SLC26A9: variants seen among roughly 807,000 people sequenced by gnomAD.
SLC26A9 encodes the protein solute carrier family 26 member 9, also known as anion transporter/exchanger protein 9.
SLC26A9 carries 46 observed loss-of-function variants against 87.1 expected under a neutral mutation model. The ratio of observed to expected loss-of-function variants is 0.53; its 90% CI spans 0.42 to 0.67. The LOEUF is 0.67. SLC26A9 is among the 30% of genes least tolerant of loss of function. The probability of loss-of-function intolerance (pLI) is 0.00; values close to 1 mark genes in which losing one functional copy is unlikely to be tolerated. For synonymous variants in SLC26A9, 437 were observed against 409.1 expected (o/e 1.07, Z -0.82); for missense variants, 927 against 1,018.3 (o/e 0.91, Z 1.22).
At chr1:205,927,784 C>A in intron 9 of SLC26A9, 118 bp downstream of exon 9, 3 of 1,517,526 alleles carry the variant, frequency 2.0e-6, no homozygotes, top group Non-Finnish European at 1.8e-6. Flanking sequence ...ACCCCCTATC[C>A]CCCACACTCG....
At chr1:205,915,844 G>A (rs746898168) in intron 20 of SLC26A9, among the ~76,000 whole-genome samples, 4 of 152,128 alleles carry the variant, frequency 2.6e-5, no homozygotes, top group African/African-American at 4.8e-5. Context: ...CCAAATCTCT[G>A]TGGCTCCAGC....
At chr1:205,942,405 C>T (rs150036358) in intron 1 of SLC26A9, among the ~76,000 whole-genome samples, 2 of 152,316 alleles carry the variant, frequency 1.3e-5, no homozygotes, top group Non-Finnish European at 2.9e-5. Flanking sequence ...AGTGAAGCCA[C>T]TCAGGGGGAA....
At chr1:205,926,723 G>A (rs1428034813) in intron 11 of SLC26A9, 93 bp from the exon 12 acceptor site, 5 of 1,022,146 alleles carry the variant, frequency 4.9e-6, no homozygotes, top group Non-Finnish European at 7.6e-6. Flanking sequence ...GCAGGACAGA[G>A]ACGGAGTTCT....
Position 205,918,982 on chromosome 1 carries a change from T to C in SLC26A9, c.2114A>G (p.Gln705Arg), listed in dbSNP as rs1465509219. 1.2e-6 allele frequency: 2 copies of C among 1,613,916 alleles called. No homozygotes were observed. Among genetic ancestry groups the C allele is most frequent in the African/African-American group, 1.3e-5 (1 of 74,922 alleles). The change falls in exon 19 of 21, where the codon CAG (glutamine) becomes CGG (arginine). Residue 705 changes from glutamine (Q) to arginine (R), a missense_variant. Coordinates refer to ENST00000367135, the MANE Select transcript of SLC26A9 (RefSeq NM_052934.4). ...TCCATGGCTAATGTCATTGTACACC[T>C]GGGCTAGAAGGAGAAAAGATCACCT... ...VKVFLVNIHA[Q>R]VYNDISHGGV...
At position 205,928,234 on chromosome 1, in the gene SLC26A9, C is replaced by T. The variant is rs1013585701; in HGVS notation, c.954-185G>A. The stretch of plus-strand genomic sequence containing the variant: ...GGTAGGGACCATCACTCCTGTTTTA[C>T]AAAGGAGGAAACTGAGGCTGAGAGA... On this transcript the variant is annotated intron_variant, in intron 8 of 20. Coordinates refer to ENST00000367135, the MANE Select transcript of SLC26A9 (RefSeq NM_052934.4). The T allele has an allele frequency of 7.0e-6, 5 of 716,098 alleles. No homozygotes were observed. The African/African-American group carries it at 8.9e-5, about 13-fold the overall frequency. 44.4% of individuals were successfully genotyped at this position (716,098 alleles called of 1,614,324 possible).
Position 205,921,660 on chromosome 1 carries a change from G to T in SLC26A9, c.1961C>A (p.Ala654Asp). The change falls in exon 17 of 21, where the codon GCC becomes GAC. Residue 654 changes from alanine to aspartate, a missense_variant. Coordinates refer to ENST00000367135, the MANE Select transcript of SLC26A9 (RefSeq NM_052934.4). ...GAAGGTGACGAAGGGTGGGACGCTGGCCAGCATGTCACTGGGCTCGCCGGG... is the reference window on the plus strand; with the variant it reads ...GAAGGTGACGAAGGGTGGGACGCTGTCCAGCATGTCACTGGGCTCGCCGGG... ...EAPGEPSDML[A>D]SVPPFVTFHT... is the part of the protein sequence containing the mutation. 1 of 1,605,230 alleles carries T rather than the reference G, an allele frequency of 6.2e-7. No homozygotes were observed.
rs1156249604 is a variant in SLC26A9 at position 205,918,872 on chromosome 1, T to C, written c.2224A>G (p.Arg742Gly). ...AAGTTGTGTCCTGGGGTCACGTCTC[T>C]AGCATTTGCCTGGGCAAAGAGGACT... The part of the protein sequence containing the change: ...DAVLFAQANA[R>G]DVTPGHNFQG... Residue 742 changes from arginine to glycine, a missense_variant, in exon 19 of 21, where the codon AGA becomes GGA. Physicochemically the swap from Arg to Gly is moderately radical, Grantham distance 125. Coordinates refer to ENST00000367135, the MANE Select transcript of SLC26A9 (RefSeq NM_052934.4). 1.2e-6 allele frequency: 2 copies of C among 1,614,062 alleles called. No homozygotes were observed. The highest frequency in any genetic ancestry group is 1.7e-6 in the Non-Finnish European group (2 of 1,180,012).
chr1:205,931,465 G>GCTTTTTTTTTTTTTTTTTTTTTTTTTTTT (rs1553270525), intron 5 of SLC26A9, among the ~76,000 whole-genome samples: 1 of 96,012 alleles, frequency 1.0e-5, no homozygotes. Flanking sequence ...CCCTAACTTG[G>GCTTTTTTTTTTTTTTTTTTTTTTTTTTTT]TTTTTTTTTT....
rs760949337 is a variant in SLC26A9 at position 205,917,288 on chromosome 1, C to G, written c.2323G>C (p.Glu775Gln). Residue 775 changes from glutamate to glutamine, a missense_variant, in exon 20 of 21, where the codon GAG becomes CAG. Transcript: ENST00000367135. ...AGCCCCTTCCCTCAGCTCACCTGCT[C>G]TAAGTCCCAGTAGCTGCGAATGTCC... is the stretch of plus-strand genomic sequence containing the variant. Reference protein sequence around the residue: ...EEDIRSYWDLEQEMFGSMFHA... With the variant: ...EEDIRSYWDLQQEMFGSMFHA... 1.2e-6 allele frequency: 2 copies of G among 1,613,810 alleles called. No individual in the cohort carries two copies. Among genetic ancestry groups the G allele is most frequent in the African/African-American group, 1.3e-5 (1 of 74,852 alleles).
Position 205,921,850 on chromosome 1 carries a change from G to A in SLC26A9, c.1774-3C>T. 6.2e-7 allele frequency: 1 copy of A among 1,602,444 alleles called. No homozygotes were observed. The highest frequency in any genetic ancestry group is 8.5e-7 in the Non-Finnish European group (1 of 1,176,146). On this transcript the variant is annotated splice_region_variant and splice_polypyrimidine_tract_variant and intron_variant, in intron 16 of 20. Coordinates refer to ENST00000367135, the MANE Select transcript of SLC26A9 (RefSeq NM_052934.4). ...TGCAGCTCCTGCAGGGAGACAGTCT[G>A]GAAGGGTGGGGACAGTGGGCAGAGT...
intron 8 of SLC26A9, 101 bp from the exon 9 acceptor site, chr1:205,928,150 T>C (rs1237273577): frequency 2.6e-5 from 36 of 1,406,482 alleles, no homozygotes; most frequent in Admixed American, 4.3e-5. Context: ...CCCCATGGTG[T>C]GCCGGGATCT....
chr1:205,917,239 T>C (rs1658630806), intron 20 of SLC26A9, 44 bp downstream of exon 20: 1 of 1,607,492 alleles, frequency 6.2e-7, no homozygotes, highest in African/African-American at 1.3e-5. Flanking sequence ...ATCCTTCCCC[T>C]CTTCGCCCTG....
At chr1:205,925,980 A>G (rs983610916) in intron 12 of SLC26A9, among the ~76,000 whole-genome samples, 3 of 152,182 alleles carry the variant, frequency 2.0e-5, no homozygotes, top group East Asian at 1.9e-4. Flanking sequence ...ATCTCATTTA[A>G]TCCTCGGAAC....
intron 12 of SLC26A9, chr1:205,924,821 C>T: frequency 3.7e-6 from 1 of 268,610 alleles, no homozygotes; most frequent in South Asian, 4.5e-5. Context: ...TTTGGAGTCA[C>T]AGGGTCTTGC....
chr1:205,926,700 A>T lies in SLC26A9; in HGVS notation c.1294-70T>A, dbSNP rs915760483. 4.7e-6 allele frequency: 6 copies of T among 1,264,758 alleles called. No homozygotes were observed. The African/African-American group carries it at 7.4e-5, about 16-fold the overall frequency. 78.3% of individuals were successfully genotyped at this position (1,264,758 alleles called of 1,614,324 possible). A position where few individuals can be genotyped will look rare whatever the true frequency, so the allele number is the denominator to read the frequency against. ...CTTTTTGCCCTCCTGCGCATACCCGACCCCAAGGCCTGGCAGGACAGAGAC... is the reference window on the plus strand; with the variant it reads ...CTTTTTGCCCTCCTGCGCATACCCGTCCCCAAGGCCTGGCAGGACAGAGAC... On this transcript the variant is annotated intron_variant, in intron 11 of 20. Transcript: ENST00000367135.
In SLC26A9 at chr1:205,914,864, C is replaced by T. The variant is rs1198138837; in HGVS notation, c.*493G>A. On this transcript the variant is annotated 3_prime_UTR_variant, in exon 21 of 21. Coordinates refer to ENST00000367135, the MANE Select transcript of SLC26A9 (RefSeq NM_052934.4). ...ACAGAGTTGAGGCAGCTGGGGAAGG[C>T]AAGCCAGAGTCCTAACCAAGTTTAT... is the stretch of plus-strand genomic sequence containing the variant. 6.3e-7 allele frequency: 1 copy of T among 1,581,124 alleles called. No homozygotes were observed. The highest frequency in any genetic ancestry group is 1.3e-5 in the African/African-American group (1 of 74,574).
At chr1:205,915,517 C>CGT (rs1558117070) in intron 20 of SLC26A9, 113 bp from the exon 21 acceptor site, 26,005 of 1,154,746 alleles carry the variant, frequency 0.023, 350 homozygotes, top group Non-Finnish European at 0.026. Flanking sequence ...GAACAAAGCA[C>CGT]CTGTGTGTGT....
rs1305165809 is a variant in SLC26A9, at chr1:205,928,835, G to A, written c.945C>T (p.Ile315=). The change falls in exon 8 of 21, where the codon ATC becomes ATT. Residue 315 remains isoleucine (I), a synonymous_variant. Transcript: ENST00000367135. Reference sequence around the variant, plus strand: ...GGGCCACCTGGACTCACCCGCGTTGGATTTCTCCCACGATCTGCATGTGAT... The same window carrying A: ...GGGCCACCTGGACTCACCCGCGTTGAATTTCTCCCACGATCTGCATGTGAT... ...KKYHMQIVGE[I]QRGFPTPVSP... is the part of the protein sequence containing the mutation. 5.6e-6 allele frequency: 9 copies of A among 1,614,134 alleles called. No homozygotes were observed. The highest frequency in any genetic ancestry group is 7.6e-6 in the Non-Finnish European group (9 of 1,180,024).
Position 205,921,660 on chromosome 1 carries a change from G to A in SLC26A9, c.1961C>T (p.Ala654Val). The A allele has an allele frequency of 6.2e-7, 1 of 1,605,230 alleles. No homozygotes were observed. Among genetic ancestry groups the A allele is most frequent in the Non-Finnish European group, 8.5e-7 (1 of 1,175,932 alleles). The change falls in exon 17 of 21, where the codon GCC (alanine) becomes GTC (valine). Residue 654 changes from alanine to valine, a missense_variant. Ala to Val is a moderately conservative substitution (Grantham distance 64). Transcript: ENST00000367135. ...EAPGEPSDML[A>V]SVPPFVTFHT... ...GAAGGTGACGAAGGGTGGGACGCTG[G>A]CCAGCATGTCACTGGGCTCGCCGGG...
Sources: gnomAD v4.1 joint callset for allele counts (sites outside exome capture counted in the v4.1 genomes callset) on GRCh38, gnomAD v4.1.1 for gene constraint, MANE v1.5 for transcripts, NCBI Gene and HGNC (gene_info 2026-07-23, HGNC 2026-07-21) for gene names.